Variants in MLIP observed in about 807,000 individuals in gnomAD.
The protein encoded by MLIP is muscular LMNA-interacting protein.
In MLIP, 79 loss-of-function variants were observed where a neutral mutation model predicts 84.8. That is an observed-to-expected ratio of 0.93 (90% confidence interval 0.78 to 1.12). MLIP has a LOEUF of 1.12. Among genes scored for constraint, MLIP ranks in the 50% most tolerant of loss-of-function variants. MLIP has a pLI of 0.00. For missense variants in MLIP, 1,257 were observed against 1,160.6 expected (o/e 1.08, Z -1.21); for synonymous variants, 504 against 463.0 (o/e 1.09, Z -1.14).
At chr6:54,235,209 A>G (rs907973704) in intron 12 of MLIP, among the ~76,000 whole-genome samples, 2 of 152,052 alleles carry the variant, frequency 1.3e-5, no homozygotes, top group African/African-American at 4.8e-5. Context: ...TTCTCACACT[A>G]GTCTTTATTA....
chr6:54,089,275 A>G (rs1767703348), intron 1 of MLIP, among the ~76,000 whole-genome samples: 1 of 152,154 alleles, frequency 6.6e-6, no homozygotes, highest in Admixed American at 6.6e-5. Flanking sequence ...TAACATTTCA[A>G]CAAGGCTAAA....
intron 1 of MLIP, among the ~76,000 whole-genome samples, chr6:54,093,342 T>TCTATTCTATC (rs1767985976): frequency 6.8e-6 from 1 of 147,438 alleles, no homozygotes; most frequent in Non-Finnish European, 1.5e-5. Flanking sequence ...TCTATTCTAT[T>TCTATTCTATC]CTATTCTATT....
intron 1 of MLIP, among the ~76,000 whole-genome samples, chr6:54,040,700 G>A (rs1284161810): frequency 1.3e-5 from 2 of 152,076 alleles, no homozygotes; most frequent in South Asian, 2.1e-4. Context: ...GAGAGCAAAT[G>A]TAGTACATAC....
chr6:54,250,348 C>T (rs1174021894), intron 12 of MLIP, among the ~76,000 whole-genome samples: 1 of 151,942 alleles, frequency 6.6e-6, no homozygotes, highest in East Asian at 1.9e-4. Flanking sequence ...ACCCAGTAAC[C>T]TTATTACTGG....
intron 1 of MLIP, among the ~76,000 whole-genome samples, chr6:54,091,333 C>T (rs1158378461): frequency 2.6e-5 from 4 of 152,094 alleles, no homozygotes; most frequent in African/African-American, 9.7e-5. Context: ...ATTTCTACAG[C>T]CACTTAATTA....
intron 1 of MLIP, among the ~76,000 whole-genome samples, chr6:54,100,958 A>T (rs1000756740): frequency 1.3e-5 from 2 of 152,176 alleles, no homozygotes; most frequent in African/African-American, 4.8e-5. Context: ...AATTTGCTCC[A>T]CCTACAAATC....
At position 54,231,478 on chromosome 6, in the gene MLIP, C is replaced by A. The variant is rs926436543; in HGVS notation, c.2922+561C>A. Reference sequence around the variant, plus strand: ...TGAAGTGTGTGTGTGCGTGTGTGTGCGTGTGTCTGTCTGTCTGAGTGTGTA... The same window carrying A: ...TGAAGTGTGTGTGTGCGTGTGTGTGAGTGTGTCTGTCTGTCTGAGTGTGTA... On this transcript the variant is annotated intron_variant, in intron 12 of 13. Coordinates refer to ENST00000502396, the MANE Select transcript of MLIP (RefSeq NM_001281747.2). Among the ~76,000 whole-genome samples the A allele has an allele frequency of 4.0e-5, 3 of 75,428 alleles. No homozygotes were observed. In the South Asian group the frequency reaches 1.6e-3, roughly 41 times the overall value. The allele number at this position is 75,428 out of a possible 152,430, so 49.5% of individuals were successfully genotyped here.
chr6:54,114,085 G>A (rs1769703311), intron 1 of MLIP, among the ~76,000 whole-genome samples: 1 of 152,198 alleles, frequency 6.6e-6, no homozygotes, highest in Non-Finnish European at 1.5e-5. Flanking sequence ...TGTCAGTGAT[G>A]TTTCAGCCTT....
chr6:54,102,919 G>A (rs1385956873), intron 1 of MLIP, among the ~76,000 whole-genome samples: 1 of 152,134 alleles, frequency 6.6e-6, no homozygotes, highest in East Asian at 1.9e-4. Context: ...GGTACAACAG[G>A]AGGTTGTATC....
At position 54,216,801 on chromosome 6, in the gene MLIP, A is replaced by G. The variant is rs767773435; in HGVS notation, c.2719-13913A>G. ...GAAGATATGCCATATAATCGAAACC[A>G]ATTTATATTGGCTTTATCTTAGTGA... On this transcript the variant is annotated intron_variant, in intron 11 of 13. Transcript: ENST00000502396. 9.1e-6 allele frequency: 9 copies of G among 985,328 alleles called. No individual in the cohort carries two copies. In the South Asian group the frequency reaches 1.4e-4, roughly 15 times the overall value. 61.0% of individuals were successfully genotyped at this position (985,328 alleles called of 1,614,324 possible).
At chr6:54,192,449 T>G (rs914865480) in intron 10 of MLIP, among the ~76,000 whole-genome samples, 3 of 152,004 alleles carry the variant, frequency 2.0e-5, no homozygotes, top group African/African-American at 7.2e-5. Context: ...TTATAGGACA[T>G]GTACTTCACT....
chr6:54,263,546 G>A (rs868052196), intron 13 of MLIP, among the ~76,000 whole-genome samples: 13 of 151,918 alleles, frequency 8.6e-5, no homozygotes, highest in African/African-American at 2.9e-4. Context: ...AAGAACACAT[G>A]TGTAGGTTAT....
chr6:54,100,984 A>C (rs1768602586), intron 1 of MLIP, among the ~76,000 whole-genome samples: 2 of 152,104 alleles, frequency 1.3e-5, no homozygotes, highest in Non-Finnish European at 2.9e-5. Context: ...CCACTTAATT[A>C]ATCTTTTACA....
At chr6:54,194,091 A>C (rs1323818458) in intron 10 of MLIP, among the ~76,000 whole-genome samples, 2 of 152,244 alleles carry the variant, frequency 1.3e-5, no homozygotes, top group Non-Finnish European at 2.9e-5. Context: ...ATGGCTATAT[A>C]CAGGTAAAAG....
rs1032566118 is a variant in MLIP at position 54,183,805 on chromosome 6, C to T, written c.2545-6065C>T. Reference sequence around the variant, plus strand: ...CTGTTACCAGGCTGGAGTGCAGTGGCGCGATCGTGACTCACTGCAACCTCC... The same window carrying T: ...CTGTTACCAGGCTGGAGTGCAGTGGTGCGATCGTGACTCACTGCAACCTCC... On this transcript the variant is annotated intron_variant, in intron 9 of 13. Coordinates refer to ENST00000502396, the MANE Select transcript of MLIP (RefSeq NM_001281747.2). Among the ~76,000 whole-genome samples, 16 of 130,668 alleles carry T rather than the reference C, an allele frequency of 1.2e-4. No homozygotes were observed. In the South Asian group the frequency reaches 1.5e-3, roughly 13 times the overall value. The allele number at this position is 130,668 out of a possible 152,430, so 85.7% of individuals were successfully genotyped here. A position where few individuals can be genotyped will look rare whatever the true frequency, so the allele number is the denominator to read the frequency against.
rs768837959 is a variant in MLIP at position 54,160,450 on chromosome 6, C to A, written c.2355+18C>A. 1.2e-6 allele frequency: 2 copies of A among 1,611,686 alleles called. No homozygotes were observed. Among genetic ancestry groups the A allele is most frequent in the African/African-American group, 1.3e-5 (1 of 74,798 alleles). Reference sequence around the variant, plus strand: ...CAGTGGAGGTAATAACTTCAGATTACCCCTGCTTTTGGTATGCAATTCCAA... The same window carrying A: ...CAGTGGAGGTAATAACTTCAGATTAACCCTGCTTTTGGTATGCAATTCCAA... On this transcript the variant is annotated intron_variant, in intron 6 of 13. Transcript: ENST00000502396.
At chr6:54,183,765 A>C (rs576414588) in intron 9 of MLIP, among the ~76,000 whole-genome samples, 402 of 25,542 alleles carry the variant, frequency 0.016, 1 homozygote, top group Non-Finnish European at 0.034. Context: ...TTTTTTTTTG[A>C]GACAGAGTCT....
At chr6:54,117,364 G>C (rs571207932) in intron 1 of MLIP, among the ~76,000 whole-genome samples, 1 of 151,432 alleles carries the variant, frequency 6.6e-6, no homozygotes, top group Non-Finnish European at 1.5e-5. Context: ...ACAGGCACCC[G>C]CCACGACGCC....
intron 10 of MLIP, among the ~76,000 whole-genome samples, chr6:54,194,344 C>T (rs1035751658): frequency 3.3e-5 from 5 of 152,114 alleles, no homozygotes; most frequent in East Asian, 3.9e-4. Context: ...CTTGACATAA[C>T]GTACTTAAGT....
Sources: allele counts gnomAD v4.1 joint callset (sites outside exome capture counted in the v4.1 genomes callset), GRCh38; gene constraint gnomAD v4.1.1; transcripts MANE v1.5; gene names NCBI Gene and HGNC (gene_info 2026-07-23, HGNC 2026-07-21).